PDE1C: variants seen among roughly 807,000 people sequenced by gnomAD.
The protein encoded by PDE1C is dual specificity calcium/calmodulin-dependent 3',5'-cyclic nucleotide phosphodiesterase 1C.
PDE1C carries 62 observed loss-of-function variants against 93.1 expected under a neutral mutation model. The observed-to-expected ratio is 0.67, with a 90% CI of 0.54 to 0.82. The LOEUF is 0.82. PDE1C is among the 40% of genes least tolerant of loss of function. PDE1C has a pLI of 0.00. For missense variants in PDE1C, 742 were observed against 884.6 expected, an observed-to-expected ratio of 0.84 and a Z score of 2.04; for synonymous variants, 325 against 310.1, an observed-to-expected ratio of 1.05 and a Z score of -0.50.
chr7:31,822,429 C>T (rs1008605887), intron 14 of PDE1C, among the ~76,000 whole-genome samples: 1 of 152,104 alleles, frequency 6.6e-6, no homozygotes, highest in African/African-American at 2.4e-5. Context: ...GTCACAAATG[C>T]ACATATGAAC....
At chr7:32,345,417 C>T (rs1264896056) in intron 1 of PDE1C, among the ~76,000 whole-genome samples, 4 of 152,196 alleles carry the variant, frequency 2.6e-5, no homozygotes, top group Admixed American at 1.3e-4. Flanking sequence ...GCCACCGTGG[C>T]TTCCAATTTC....
At position 32,010,829 on chromosome 7, in the gene PDE1C, T is replaced by C. The variant is rs77447654; in HGVS notation, c.128+40725A>G. On this transcript the variant is annotated intron_variant, in intron 2 of 17. Transcript: ENST00000396191. ...CTTGTGTCTAAATTCCTCCTTTTTA[T>C]AAGGACACCAGTCATATTGGATTAG... Among the ~76,000 whole-genome samples the C allele has an allele frequency of 8.5e-3, 1,290 of 152,238 alleles. 19 individuals are homozygous for C. The highest frequency in any genetic ancestry group is 0.03 in the African/African-American group (1,242 of 41,536).
At chr7:31,830,199 TG>T (rs1288722368) in intron 11 of PDE1C, among the ~76,000 whole-genome samples, 3 of 149,696 alleles carry the variant, frequency 2.0e-5, no homozygotes, top group Admixed American at 6.6e-5. Context: ...ACTTACGAAT[TG>T]AAAAAAAAAA....
the PDE1C span, among the ~76,000 whole-genome samples, chr7:31,690,102 T>C: frequency 2.6e-5 from 4 of 152,246 alleles, no homozygotes; most frequent in African/African-American, 9.6e-5. Flanking sequence ...GCTTTCTTTT[T>C]CTAGACTGGT....
intron 2 of PDE1C, among the ~76,000 whole-genome samples, chr7:31,912,122 T>C (rs1801320107): frequency 6.6e-6 from 1 of 152,160 alleles, no homozygotes; most frequent in Non-Finnish European, 1.5e-5. Context: ...GACCAAATTA[T>C]ATATATGTAC....
chr7:32,169,395 A>G (rs1802504293), intron 3 of PDE1C, among the ~76,000 whole-genome samples: 1 of 152,190 alleles, frequency 6.6e-6, no homozygotes, highest in Non-Finnish European at 1.5e-5. Flanking sequence ...TTCCCCCAGC[A>G]AGAGACTCTA....
chr7:32,188,887 C>A (rs777110220), intron 2 of PDE1C, among the ~76,000 whole-genome samples: 1 of 152,080 alleles, frequency 6.6e-6, no homozygotes, highest in African/African-American at 2.4e-5. Flanking sequence ...ATTTGGGCAC[C>A]ATTTACTTGA....
At chr7:32,385,944 C>A (rs1022482056) in intron 1 of PDE1C, among the ~76,000 whole-genome samples, 19 of 152,108 alleles carry the variant, frequency 1.2e-4, no homozygotes, top group Non-Finnish European at 2.5e-4. Flanking sequence ...CCTTGAAACC[C>A]CAAGAACAGG....
chr7:31,834,121 T>A (rs954309698), intron 11 of PDE1C, among the ~76,000 whole-genome samples: 2 of 152,226 alleles, frequency 1.3e-5, no homozygotes, highest in African/African-American at 4.8e-5. Flanking sequence ...AGCCTGCAGG[T>A]GCACAGAAGT....
chr7:31,928,105 T>C (rs759409467), intron 2 of PDE1C, among the ~76,000 whole-genome samples: 56 of 152,010 alleles, frequency 3.7e-4, no homozygotes, highest in Non-Finnish European at 1.8e-4. Flanking sequence ...AATGACCTGA[T>C]GGAGCTGAAA....
At chr7:32,223,812 G>A (rs1436251225) in intron 1 of PDE1C, among the ~76,000 whole-genome samples, 2 of 152,202 alleles carry the variant, frequency 1.3e-5, no homozygotes, top group African/African-American at 4.8e-5. Context: ...GGGTGCTTGA[G>A]TCTCCATCCT....
intron 3 of PDE1C, among the ~76,000 whole-genome samples, chr7:32,084,430 T>C (rs1796928359): frequency 6.8e-6 from 1 of 148,088 alleles, no homozygotes; most frequent in African/African-American, 2.5e-5. Flanking sequence ...ACTGTCAACA[T>C]TAGACAGATC....
In PDE1C at chr7:32,195,066, CTTT is replaced by C. The variant is rs142395963; in HGVS notation, c.136+14420_136+14422del. On this transcript the variant is annotated intron_variant, in intron 2 of 18. Transcript: ENST00000396193. ...CCTTTACATCCCTTTACTTTCTCCT[CTTT>C]GATATAATTGTACTAAATATTTCCT... Among the ~76,000 whole-genome samples, 1,116 of 152,290 alleles carry C rather than the reference CTTT, an allele frequency of 7.3e-3. 9 individuals carry two copies. The highest frequency in any genetic ancestry group is 0.013 in the Non-Finnish European group (892 of 68,012).
intron 2 of PDE1C, among the ~76,000 whole-genome samples, chr7:31,888,249 C>CAAAAAAA (rs34112969): frequency 8.3e-3 from 364 of 43,682 alleles, no homozygotes; most frequent in East Asian, 0.013. Context: ...GACTCAGTCT[C>CAAAAAAA]AAAAAAAAAA....
chr7:31,926,421 T>C (rs1803387639), intron 2 of PDE1C, among the ~76,000 whole-genome samples: 2 of 152,290 alleles, frequency 1.3e-5, no homozygotes, highest in East Asian at 3.9e-4. Context: ...TAAATATGTG[T>C]TGAATGTGAA....
At chr7:32,166,272 T>C (rs898234108) in intron 3 of PDE1C, among the ~76,000 whole-genome samples, 2 of 152,152 alleles carry the variant, frequency 1.3e-5, no homozygotes, top group African/African-American at 4.8e-5. Flanking sequence ...GAGTTGGAAC[T>C]GAAACCCAGT....
chr7:32,329,738 CT>C (rs1418272409), intron 1 of PDE1C, among the ~76,000 whole-genome samples: 2 of 152,078 alleles, frequency 1.3e-5, no homozygotes, highest in Non-Finnish European at 2.9e-5. Context: ...TTCTTTTTCC[CT>C]TTATTTTTAG....
intron 2 of PDE1C, among the ~76,000 whole-genome samples, chr7:32,206,592 G>C (rs1805553292): frequency 6.6e-6 from 1 of 152,194 alleles, no homozygotes; most frequent in South Asian, 2.1e-4. Flanking sequence ...GCCTGGACCT[G>C]AGCAGGGGAG....
chr7:32,326,354 T>A (rs1187069877), intron 1 of PDE1C, among the ~76,000 whole-genome samples: 1 of 152,128 alleles, frequency 6.6e-6, no homozygotes, highest in African/African-American at 2.4e-5. Flanking sequence ...TGATACTGAA[T>A]GAGATAACCA....
Sources: gnomAD v4.1 joint callset for allele counts (sites outside exome capture counted in the v4.1 genomes callset) on GRCh38, gnomAD v4.1.1 for gene constraint, MANE v1.5 for transcripts, NCBI Gene and HGNC (gene_info 2026-07-23, HGNC 2026-07-21) for gene names.